AHDC1: variants seen among roughly 807,000 people sequenced by gnomAD.
AHDC1 encodes the protein AT-hook DNA binding motif containing 1.
Under a neutral mutation model 87.9 loss-of-function variants are expected in AHDC1, and 7 were observed. That is an observed-to-expected ratio of 0.08 (90% CI 0.05 to 0.15). AHDC1 has a LOEUF of 0.15. AHDC1 is among the 10% of genes least tolerant of loss of function. AHDC1 has a pLI of 1.00. For missense variants in AHDC1, 1,841 were observed against 2,253.2 expected, an observed-to-expected ratio of 0.82 and a Z score of 3.70; for synonymous variants, 1,051 against 1,006.8, an observed-to-expected ratio of 1.04 and a Z score of -0.83.
rs2089336306 is a variant in AHDC1 at position 27,595,235 on chromosome 1, G to A, written c.-629+8162C>T. ...TGTTGTAGGGGGAGGCTGTATGTTT[G>A]GAAAGGTATAGGGGATGATACCGGT... is the stretch of plus-strand genomic sequence containing the variant. On this transcript the variant is annotated intron_variant, in intron 3 of 8. Coordinates refer to ENST00000673934, the MANE Select transcript of AHDC1 (RefSeq NM_001371928.1). This position sits in a 1 kb window ranked among gnomAD's most constrained non-coding sequence, Gnocchi z 4.0. Among the ~76,000 whole-genome samples the A allele has an allele frequency of 6.6e-6, 1 of 152,034 alleles. No homozygotes were observed. The highest frequency in any genetic ancestry group is 1.5e-5 in the Non-Finnish European group (1 of 68,006).
At chr1:27,576,186 C>T (rs2088741344) in intron 3 of AHDC1, among the ~76,000 whole-genome samples, 1 of 152,184 alleles carries the variant, frequency 6.6e-6, no homozygotes, top group Non-Finnish European at 1.5e-5. Context: ...CGGCCAATCA[C>T]AGGCCTCGAT....
chr1:27,593,827 C>T lies in AHDC1; in HGVS notation c.-629+9570G>A, dbSNP rs536966721. Among the ~76,000 whole-genome samples, 1 of 152,330 alleles carries T rather than the reference C, an allele frequency of 6.6e-6. No individual in the cohort carries two copies. The highest frequency in any genetic ancestry group is 1.5e-5 in the Non-Finnish European group (1 of 68,022). On this transcript the variant is annotated intron_variant, in intron 3 of 8. Coordinates refer to ENST00000673934, the MANE Select transcript of AHDC1 (RefSeq NM_001371928.1). The surrounding 1 kb of genome is among the most constrained non-coding windows in gnomAD (Gnocchi z 4.9). ...TCGATTCACTGAATTTTTTAAGGCC[C>T]TAATGGAGCCTGCATCCCAGGACTT...
chr1:27,571,250 T>G (rs569223644), intron 3 of AHDC1, among the ~76,000 whole-genome samples: 20 of 151,900 alleles, frequency 1.3e-4, no homozygotes, highest in Middle Eastern at 3.2e-3. Flanking sequence ...TTTGGAAAAA[T>G]AGTCATGAGC....
At chr1:27,583,852 T>C (rs912001109) in intron 3 of AHDC1, among the ~76,000 whole-genome samples, 1 of 152,128 alleles carries the variant, frequency 6.6e-6, no homozygotes, top group Non-Finnish European at 1.5e-5. Context: ...ATCAGCTCTT[T>C]ATTATTTCTA....
intron 3 of AHDC1, among the ~76,000 whole-genome samples, chr1:27,559,756 A>G (rs1368914408): frequency 1.3e-5 from 2 of 152,128 alleles, no homozygotes; most frequent in African/African-American, 4.8e-5. Flanking sequence ...TTTAATAACC[A>G]TGGCCCTCCT....
At position 27,558,012 on chromosome 1, in the gene AHDC1, G is replaced by A. The variant is rs1422947671; in HGVS notation, c.-225+293C>T. ...TACCTCCCCACCCTTACAATCCCAG[G>A]AGACTCCACCCCCAGACCTCAGGCC... On this transcript the variant is annotated intron_variant, in intron 5 of 8. Coordinates refer to ENST00000673934, the MANE Select transcript of AHDC1 (RefSeq NM_001371928.1). This position sits in a 1 kb window ranked among gnomAD's most constrained non-coding sequence, Gnocchi z 5.6. Among the ~76,000 whole-genome samples the A allele has an allele frequency of 6.6e-6, 1 of 152,146 alleles. No individual in the cohort carries two copies. The highest frequency in any genetic ancestry group is 1.5e-5 in the Non-Finnish European group (1 of 68,014).
At chr1:27,583,857 T>C (rs1305250622) in intron 3 of AHDC1, among the ~76,000 whole-genome samples, 3 of 152,150 alleles carry the variant, frequency 2.0e-5, no homozygotes, top group Non-Finnish European at 4.4e-5. Flanking sequence ...CTCTTTATTA[T>C]TTCTATAGCA....
chr1:27,597,814 T>C (rs2089418708), intron 3 of AHDC1, among the ~76,000 whole-genome samples: 1 of 152,048 alleles, frequency 6.6e-6, no homozygotes, highest in Non-Finnish European at 1.5e-5. Context: ...CCTTTCTTTA[T>C]CTCTTCCTGT....
intron 3 of AHDC1, among the ~76,000 whole-genome samples, chr1:27,580,456 C>T (rs771037450): frequency 3.2e-4 from 48 of 152,206 alleles, no homozygotes; most frequent in Non-Finnish European, 6.0e-4. Flanking sequence ...GCTATCTCCA[C>T]GGCTTTCTTT....
intron 5 of AHDC1, among the ~76,000 whole-genome samples, chr1:27,557,496 T>C (rs1329734423): frequency 2.6e-5 from 4 of 151,972 alleles, no homozygotes; most frequent in Non-Finnish European, 4.4e-5. Context: ...CTTCAGCAAT[T>C]TGGCCACAAG....
chr1:27,548,505 A>G lies in AHDC1; in HGVS notation c.3611T>C (p.Leu1204Pro). The G allele has an allele frequency of 6.2e-7, 1 of 1,613,916 alleles. No homozygotes were observed. The highest frequency in any genetic ancestry group is 2.2e-5 in the East Asian group (1 of 44,888). Residue 1204 changes from leucine (L) to proline (P), a missense_variant, in exon 8 of 9, where the codon CTG becomes CCG. Leu to Pro is a moderately conservative substitution (Grantham distance 98). Around this residue, in one of 13 missense-constraint regions of AHDC1, gnomAD observed 505 missense variants for 626.2 expected, o/e 0.81. Coordinates refer to ENST00000673934, the MANE Select transcript of AHDC1 (RefSeq NM_001371928.1). ...TGATGCCTCGTTCCAGTCCATCATCAGTTTCTCCAGGCTGGACAGGCTCGA... is the reference window on the plus strand; with the variant it reads ...TGATGCCTCGTTCCAGTCCATCATCGGTTTCTCCAGGCTGGACAGGCTCGA... ...GQSSLSSLEK[L>P]MMDWNEASSA...
At chr1:27,586,035 C>T (rs1404181755) in intron 3 of AHDC1, among the ~76,000 whole-genome samples, 3 of 152,202 alleles carry the variant, frequency 2.0e-5, no homozygotes, top group Non-Finnish European at 4.4e-5. Flanking sequence ...TGTGGATGGG[C>T]ATGCTGTCTG....
chr1:27,569,098 A>T (rs2020457806), intron 3 of AHDC1, among the ~76,000 whole-genome samples: 3 of 125,072 alleles, frequency 2.4e-5, no homozygotes, highest in African/African-American at 9.2e-5. Context: ...AATCATCTGG[A>T]TACTACCCCC....
At position 27,548,437 on chromosome 1, in the gene AHDC1, T is replaced by C; in HGVS notation, c.3679A>G (p.Ser1227Gly). The change falls in exon 8 of 9, where the codon AGT becomes GGT. Residue 1227 changes from serine (S) to glycine (G), a missense_variant. Transcript: ENST00000673934. ...YNWNQSVLFQ[S>G]SSKPGRGRRK... is the part of the protein sequence containing the mutation. ...CGTCCACGGCCCGGCTTGGAGCTAC[T>C]CTGAAAGAGGACACTCTGGTTCCAG... The C allele has an allele frequency of 1.2e-6, 2 of 1,613,464 alleles. No individual in the cohort carries two copies. The highest frequency in any genetic ancestry group is 1.7e-6 in the Non-Finnish European group (2 of 1,179,714).
rs529378714 is a variant in AHDC1, at chr1:27,554,416, G to A, written c.-224-1231C>T. Among the ~76,000 whole-genome samples, 18 of 152,268 alleles carry A rather than the reference G, an allele frequency of 1.2e-4. No homozygotes were observed. The South Asian group carries it at 3.3e-3, about 28-fold the overall frequency. On this transcript the variant is annotated intron_variant, in intron 5 of 8. Coordinates refer to ENST00000673934, the MANE Select transcript of AHDC1 (RefSeq NM_001371928.1). ...CCCCACAAGAGTGTGGGCTCTTCAG[G>A]AGCAGGGATCACATCTGTCTTGTTT...
intron 3 of AHDC1, among the ~76,000 whole-genome samples, chr1:27,572,836 G>A (rs1160806654): frequency 6.6e-6 from 1 of 152,168 alleles, no homozygotes; most frequent in African/African-American, 2.4e-5. Flanking sequence ...CCGCCCCTGC[G>A]ATCGCTCTTC....
At chr1:27,556,345 C>T (rs937659029) in intron 5 of AHDC1, among the ~76,000 whole-genome samples, 3 of 151,942 alleles carry the variant, frequency 2.0e-5, no homozygotes, top group Non-Finnish European at 2.9e-5. Context: ...CATTTCCCTC[C>T]CAGCCTGGTT....
At chr1:27,602,680 A>T (rs561322460) in intron 3 of AHDC1, among the ~76,000 whole-genome samples, 181 of 152,302 alleles carry the variant, frequency 1.2e-3, no homozygotes, top group Non-Finnish European at 2.0e-3. Flanking sequence ...CGATTCAATC[A>T]GAGCCCCAGA....
At chr1:27,596,247 G>A (rs1007969195) in intron 3 of AHDC1, among the ~76,000 whole-genome samples, 2 of 152,030 alleles carry the variant, frequency 1.3e-5, no homozygotes, top group African/African-American at 4.8e-5. Flanking sequence ...CTGCCTCCTC[G>A]CTCCCTGGGG....
Sources: allele counts gnomAD v4.1 joint callset (sites outside exome capture counted in the v4.1 genomes callset), GRCh38; gene constraint gnomAD v4.1.1; regional missense constraint gnomAD v4.1.1; non-coding constraint Gnocchi (gnomAD v3.1); transcripts MANE v1.5; gene names NCBI Gene and HGNC (gene_info 2026-07-23, HGNC 2026-07-21).